Variants in CPNE4 observed in about 807,000 individuals in gnomAD.
CPNE4 encodes the protein copine-4.
A neutral mutation model predicts 67.9 loss-of-function variants in CPNE4; 25 were observed. The observed-to-expected ratio is 0.37, with a 90% confidence interval of 0.27 to 0.51. The LOEUF (loss-of-function observed/expected upper bound fraction) is 0.51, where lower values mean the gene tolerates loss of function less well. Ranked by LOEUF, CPNE4 falls within the 20% of genes least tolerant of loss-of-function variation. The probability of loss-of-function intolerance (pLI) is 0.93; values close to 1 mark genes in which losing one functional copy is unlikely to be tolerated. For synonymous variants in CPNE4, 242 were observed against 244.9 expected, an observed-to-expected ratio of 0.99 and a Z score of 0.11; for missense variants, 464 against 690.8, an observed-to-expected ratio of 0.67 and a Z score of 3.68.
chr3:131,878,698 CAAG>C (rs1238800928), intron 2 of CPNE4, among the ~76,000 whole-genome samples: 2 of 152,146 alleles, frequency 1.3e-5, no homozygotes, highest in Non-Finnish European at 2.9e-5. Context: ...ATTCAAATAA[CAAG>C]AAGACATTCT....
chr3:131,883,877 G>A (rs1281071521), intron 2 of CPNE4, among the ~76,000 whole-genome samples: 1 of 152,222 alleles, frequency 6.6e-6, no homozygotes, highest in East Asian at 1.9e-4. Flanking sequence ...GCACATGCCC[G>A]TGTCATGGCC....
intron 2 of CPNE4, among the ~76,000 whole-genome samples, chr3:131,790,510 T>G (rs768630550): frequency 1.3e-5 from 2 of 152,030 alleles, no homozygotes; most frequent in Non-Finnish European, 2.9e-5. Flanking sequence ...AATTTAAATT[T>G]CTCTATACAG....
Position 131,754,839 on chromosome 3 carries a change from T to C in CPNE4, c.181-31214A>G, listed in dbSNP as rs116341589. Among the ~76,000 whole-genome samples, 913 of 152,322 alleles carry C rather than the reference T, an allele frequency of 6.0e-3. 12 individuals are homozygous for C. The highest frequency in any genetic ancestry group is 0.021 in the African/African-American group (863 of 41,578). On this transcript the variant is annotated intron_variant, in intron 2 of 15. Transcript: ENST00000429747. ...GTTTTCAAGAGAAACACAGAGGTAT[T>C]TTGTATTTGATGAATACCCTGTTAA...
chr3:131,783,258 A>G (rs545425899), intron 2 of CPNE4, among the ~76,000 whole-genome samples: 1 of 152,274 alleles, frequency 6.6e-6, no homozygotes, highest in East Asian at 1.9e-4. Flanking sequence ...TTACAATATC[A>G]TATCTGATCT....
chr3:131,567,656 A>T (rs72999210), intron 10 of CPNE4, among the ~76,000 whole-genome samples: 1,610 of 152,078 alleles, frequency 0.011, 32 homozygotes, highest in African/African-American at 0.036. Context: ...ATGCTTAACT[A>T]GGGTGGGGCA....
At chr3:132,005,233 G>T (rs2073558632) in intron 1 of CPNE4, among the ~76,000 whole-genome samples, 3 of 148,402 alleles carry the variant, frequency 2.0e-5, no homozygotes, top group Admixed American at 1.3e-4. Context: ...TAAGCCACTG[G>T]GATTATCTGT....
chr3:131,999,687 A>G (rs544943808), intron 1 of CPNE4, among the ~76,000 whole-genome samples: 1 of 152,198 alleles, frequency 6.6e-6, no homozygotes, highest in African/African-American at 2.4e-5. Flanking sequence ...ATGATAAAGC[A>G]ATTGATTTAA....
chr3:131,617,031 T>C (rs940438886), intron 7 of CPNE4, among the ~76,000 whole-genome samples: 2 of 152,214 alleles, frequency 1.3e-5, no homozygotes, highest in Admixed American at 1.3e-4. Context: ...TTGTATGATG[T>C]AGATTTATAG....
chr3:131,536,366 G>A (rs1036586174), intron 15 of CPNE4, among the ~76,000 whole-genome samples: 2 of 152,180 alleles, frequency 1.3e-5, no homozygotes, highest in African/African-American at 4.8e-5. Flanking sequence ...CCTGGCTCTG[G>A]CATTTAGTAT....
chr3:131,804,250 T>A (rs2084230600), intron 2 of CPNE4, among the ~76,000 whole-genome samples: 1 of 150,796 alleles, frequency 6.6e-6, no homozygotes, highest in South Asian at 2.1e-4. Context: ...TGGAACTCAG[T>A]TTGTCTGCTA....
chr3:131,895,989 G>A (rs182629656), intron 2 of CPNE4, among the ~76,000 whole-genome samples: 48 of 151,876 alleles, frequency 3.2e-4, no homozygotes, highest in Admixed American at 9.8e-4. Flanking sequence ...CAAGGTGGGC[G>A]GATCACTTTA....
intron 2 of CPNE4, among the ~76,000 whole-genome samples, chr3:131,769,365 A>G (rs1237700155): frequency 6.6e-6 from 1 of 152,140 alleles, no homozygotes; most frequent in Non-Finnish European, 1.5e-5. Flanking sequence ...CTGTAAATGA[A>G]GGTGTATGTT....
Position 132,034,992 on chromosome 3 carries a change from CAG to C in CPNE4, c.-429_-428del, listed in dbSNP as rs571056565. On this transcript the variant is annotated 5_prime_UTR_variant, in exon 1 of 16. Coordinates refer to ENST00000429747, the MANE Select transcript of CPNE4 (RefSeq NM_130808.3). ...GTGGCGGGGAGATGGCAGCTTCTCA[CAG>C]AGAGATTTCCACCTTCTGACGAATC... is the stretch of plus-strand genomic sequence containing the variant. 1.4e-3 allele frequency: 1,424 copies of C among 985,344 alleles called. 16 individuals carry two copies. The African/African-American group carries it at 0.023, about 16-fold the overall frequency. 61.0% of individuals were successfully genotyped at this position (985,344 alleles called of 1,614,324 possible).
At chr3:131,544,522 T>G (rs960967973) in intron 14 of CPNE4, among the ~76,000 whole-genome samples, 1 of 152,208 alleles carries the variant, frequency 6.6e-6, no homozygotes, top group African/African-American at 2.4e-5. Flanking sequence ...ATTCCCAGTT[T>G]GGTTTTCAGA....
chr3:131,743,467 T>C (rs1483980464), intron 2 of CPNE4, among the ~76,000 whole-genome samples: 1 of 151,774 alleles, frequency 6.6e-6, no homozygotes, highest in Non-Finnish European at 1.5e-5. Flanking sequence ...AGTAGAAAAA[T>C]AGAAAAGTAC....
intron 2 of CPNE4, among the ~76,000 whole-genome samples, chr3:131,890,782 C>A (rs1321085319): frequency 6.6e-6 from 1 of 152,046 alleles, no homozygotes; most frequent in Non-Finnish European, 1.5e-5. Flanking sequence ...TAAGAAACAT[C>A]TATTATTTGC....
chr3:131,698,284 G>A (rs59146232), intron 4 of CPNE4, among the ~76,000 whole-genome samples: 18,903 of 137,804 alleles, frequency 0.14, 1,530 homozygotes, highest in African/African-American at 0.21. Context: ...AACTTTTCTT[G>A]GATATGTGGA....
Position 132,034,542 on chromosome 3 carries a change from G to C in CPNE4, c.-2+25C>G, listed in dbSNP as rs560377628. Reference sequence around the variant, plus strand: ...CAATCACAGCGCCCCAGGAACACAGGAATGAAGAGTTGGCATTTACTTACC... The same window carrying C: ...CAATCACAGCGCCCCAGGAACACAGCAATGAAGAGTTGGCATTTACTTACC... On this transcript the variant is annotated intron_variant, in intron 1 of 15. Coordinates refer to ENST00000429747, the MANE Select transcript of CPNE4 (RefSeq NM_130808.3). The C allele has an allele frequency of 5.1e-6, 5 of 973,140 alleles. No homozygotes were observed. In the South Asian group the frequency reaches 1.9e-4, roughly 37 times the overall value. 60.3% of individuals were successfully genotyped at this position (973,140 alleles called of 1,614,324 possible). A position where few individuals can be genotyped will look rare whatever the true frequency, so the allele number is the denominator to read the frequency against.
chr3:131,586,251 C>A (rs962636473), intron 8 of CPNE4, among the ~76,000 whole-genome samples: 1 of 152,110 alleles, frequency 6.6e-6, no homozygotes, highest in African/African-American at 2.4e-5. Context: ...AGAGTAAGAA[C>A]GGCAGGTGTC....
Sources: allele counts gnomAD v4.1 joint callset (sites outside exome capture counted in the v4.1 genomes callset), GRCh38; gene constraint gnomAD v4.1.1; transcripts MANE v1.5; gene names NCBI Gene and HGNC (gene_info 2026-07-23, HGNC 2026-07-21).